Variants in ZNF532 observed in about 807,000 individuals in gnomAD.
ZNF532 encodes zinc finger protein 532.
In ZNF532, 22 loss-of-function variants were observed where a neutral mutation model predicts 89.3. The observed-to-expected ratio is 0.25, with a 90% CI of 0.18 to 0.35. The LOEUF (loss-of-function observed/expected upper bound fraction) is 0.35. ZNF532 is among the 10% of genes least tolerant of loss of function. ZNF532 has a pLI of 1.00. For missense variants in ZNF532, 1,132 were observed against 1,643.4 expected (o/e 0.69, Z 5.38); for synonymous variants, 606 against 649.6 (o/e 0.93, Z 1.02).
chr18:58,928,615 G>C (rs2061713696), intron 3 of ZNF532, among the ~76,000 whole-genome samples: 1 of 152,246 alleles, frequency 6.6e-6, no homozygotes, highest in African/African-American at 2.4e-5. Flanking sequence ...CCTTGGAGGA[G>C]ACAGTGGCAG....
chr18:58,905,418 T>TA (rs2059874001), intron 2 of ZNF532, among the ~76,000 whole-genome samples: 1 of 151,104 alleles, frequency 6.6e-6, no homozygotes, highest in Admixed American at 6.6e-5. Flanking sequence ...TTTTTTTTTT[T>TA]AAGACAAGGT....
At chr18:58,901,643 CA>C (rs1447169762) in intron 2 of ZNF532, among the ~76,000 whole-genome samples, 1 of 152,168 alleles carries the variant, frequency 6.6e-6, no homozygotes, top group East Asian at 1.9e-4. Context: ...GGAGAGAAGA[CA>C]AATACACAAG....
intron 7 of ZNF532, among the ~76,000 whole-genome samples, chr18:58,971,415 G>T (rs1331538656): frequency 6.6e-6 from 1 of 152,204 alleles, no homozygotes; most frequent in African/African-American, 2.4e-5. Flanking sequence ...CTCAATCAGG[G>T]ATCAGCAAAC....
At chr18:58,873,181 C>T (rs747441152) in intron 2 of ZNF532, among the ~76,000 whole-genome samples, 6 of 152,062 alleles carry the variant, frequency 3.9e-5, no homozygotes, top group Non-Finnish European at 5.9e-5. Flanking sequence ...CCACCACGCC[C>T]GGCTAATTTT....
chr18:58,924,588 T>C (rs2061383587), intron 3 of ZNF532, among the ~76,000 whole-genome samples: 1 of 152,210 alleles, frequency 6.6e-6, no homozygotes, highest in Non-Finnish European at 1.5e-5. Context: ...CCTTTTTCTT[T>C]TGAGATAATT....
intron 7 of ZNF532, among the ~76,000 whole-genome samples, chr18:58,963,882 T>C (rs1448920651): frequency 1.3e-5 from 2 of 150,822 alleles, no homozygotes; most frequent in Non-Finnish European, 3.0e-5. Flanking sequence ...AACCTAGCCA[T>C]GTGTATGAAA....
chr18:58,942,357 T>TCCTC (rs1480248836), intron 5 of ZNF532, among the ~76,000 whole-genome samples: 5 of 46,860 alleles, frequency 1.1e-4, no homozygotes, highest in African/African-American at 7.2e-4. Flanking sequence ...CTCCCTTCCT[T>TCCTC]CCTTCCTTCC....
intron 2 of ZNF532, among the ~76,000 whole-genome samples, chr18:58,901,157 C>T (rs2059577440): frequency 6.6e-6 from 1 of 152,192 alleles, no homozygotes; most frequent in South Asian, 2.1e-4. Context: ...TTCTTATGCC[C>T]TTGTTTAATG....
intron 2 of ZNF532, among the ~76,000 whole-genome samples, chr18:58,872,124 G>T (rs971476138): frequency 1.3e-5 from 2 of 152,168 alleles, no homozygotes; most frequent in African/African-American, 4.8e-5. Flanking sequence ...ACGCAGAGCG[G>T]CTTTTTTAGC....
intron 2 of ZNF532, among the ~76,000 whole-genome samples, chr18:58,897,356 A>G (rs143982129): frequency 2.4e-3 from 369 of 152,330 alleles, no homozygotes; most frequent in Middle Eastern, 6.8e-3. Flanking sequence ...GTTGGGGGGA[A>G]AAAGACCTAA....
intron 5 of ZNF532, among the ~76,000 whole-genome samples, chr18:58,945,513 G>A (rs1234736707): frequency 6.6e-6 from 1 of 152,110 alleles, no homozygotes; most frequent in Non-Finnish European, 1.5e-5. Flanking sequence ...TGATAGCTAC[G>A]TAAATAGATG....
chr18:58,885,281 G>A (rs893369736), intron 2 of ZNF532, among the ~76,000 whole-genome samples: 2 of 152,150 alleles, frequency 1.3e-5, no homozygotes, highest in East Asian at 3.8e-4. Context: ...GAGCCACAGC[G>A]CTCAGCTGGG....
intron 2 of ZNF532, among the ~76,000 whole-genome samples, chr18:58,872,935 T>C (rs1359829753): frequency 6.6e-6 from 1 of 151,984 alleles, no homozygotes; most frequent in African/African-American, 2.4e-5. Flanking sequence ...CCTGACCCTG[T>C]GGTCTGCCCA....
intron 7 of ZNF532, among the ~76,000 whole-genome samples, chr18:58,976,063 C>G (rs756762226): frequency 6.6e-6 from 1 of 152,130 alleles, no homozygotes. Context: ...TGGCAAAGTA[C>G]CTTCGAATAA....
chr18:58,879,119 G>C (rs995137844), intron 2 of ZNF532, among the ~76,000 whole-genome samples: 2 of 152,254 alleles, frequency 1.3e-5, no homozygotes, highest in Non-Finnish European at 2.9e-5. Context: ...AGCCTTTAGT[G>C]AAGGTGGCCA....
At chr18:58,895,936 T>C (rs1433727931) in intron 2 of ZNF532, among the ~76,000 whole-genome samples, 1 of 151,942 alleles carries the variant, frequency 6.6e-6, no homozygotes, top group Non-Finnish European at 1.5e-5. Flanking sequence ...CTGGCAGCCT[T>C]GAGCTCCTGG....
chr18:58,898,978 G>T (rs946081717), intron 2 of ZNF532, among the ~76,000 whole-genome samples: 1 of 152,228 alleles, frequency 6.6e-6, no homozygotes, highest in Non-Finnish European at 1.5e-5. Context: ...GGCTTTCAGC[G>T]CTGGAGAGAA....
chr18:58,887,159 AACAC>A (rs1396943417), intron 2 of ZNF532, among the ~76,000 whole-genome samples: 2 of 151,736 alleles, frequency 1.3e-5, no homozygotes, highest in East Asian at 1.9e-4. Flanking sequence ...CTTATTCCGC[AACAC>A]AGTTGCGTAG....
intron 2 of ZNF532, among the ~76,000 whole-genome samples, chr18:58,897,433 C>T (rs1001981160): frequency 4.3e-4 from 65 of 152,158 alleles, no homozygotes; most frequent in African/African-American, 1.5e-3. Context: ...TCTAAAATGA[C>T]TGTTTTTGGG....
Sources: gnomAD v4.1 joint callset for allele counts (sites outside exome capture counted in the v4.1 genomes callset) on GRCh38, gnomAD v4.1.1 for gene constraint, MANE v1.5 for transcripts, NCBI Gene and HGNC (gene_info 2026-07-23, HGNC 2026-07-21) for gene names.